EYS: variants seen among roughly 807,000 people sequenced by gnomAD.
The protein encoded by EYS is protein eyes shut homolog.
EYS carries 250 observed loss-of-function variants against 282.1 expected under a neutral mutation model. The observed-to-expected ratio is 0.89, with a 90% CI of 0.80 to 0.98. The LOEUF (loss-of-function observed/expected upper bound fraction) is 0.98, where lower values mean the gene tolerates loss of function less well. EYS is among the 50% of genes least tolerant of loss of function. The probability of loss-of-function intolerance (pLI) is 0.00; values close to 1 mark genes in which losing one functional copy is unlikely to be tolerated. For missense variants in EYS, 4,016 were observed against 3,709.0 expected, an observed-to-expected ratio of 1.08 and a Z score of -2.15; for synonymous variants, 1,355 against 1,282.9, an observed-to-expected ratio of 1.06 and a Z score of -1.20.
intron 12 of EYS, among the ~76,000 whole-genome samples, chr6:65,227,255 T>C (rs906683640): frequency 1.3e-4 from 19 of 152,000 alleles, no homozygotes; most frequent in African/African-American, 4.6e-4. Flanking sequence ...CCACAATATA[T>C]GACATGTCCA....
At chr6:64,363,814 GAAC>G (rs1286736738) in intron 29 of EYS, among the ~76,000 whole-genome samples, 15 of 151,706 alleles carry the variant, frequency 9.9e-5, no homozygotes, top group South Asian at 2.1e-4. Context: ...AAATAAATGC[GAAC>G]AACATCAAAA....
At chr6:64,671,450 T>C (rs909712160) in intron 22 of EYS, among the ~76,000 whole-genome samples, 3 of 152,174 alleles carry the variant, frequency 2.0e-5, no homozygotes, top group African/African-American at 7.2e-5. Context: ...CTTCCCAGAC[T>C]CCAGAACTGT....
At chr6:65,396,292 A>G (rs1210636489) in intron 7 of EYS, among the ~76,000 whole-genome samples, 1 of 152,080 alleles carries the variant, frequency 6.6e-6, no homozygotes, top group Non-Finnish European at 1.5e-5. Flanking sequence ...CATCTTCTCA[A>G]TGTTAACTTA....
At chr6:64,037,249 T>C (rs899070608) in intron 33 of EYS, among the ~76,000 whole-genome samples, 3 of 152,190 alleles carry the variant, frequency 2.0e-5, no homozygotes, top group Non-Finnish European at 4.4e-5. Context: ...TCCTATTAAC[T>C]TTTTCATTAG....
At chr6:65,336,890 A>C (rs1352923197) in intron 10 of EYS, among the ~76,000 whole-genome samples, 3 of 151,554 alleles carry the variant, frequency 2.0e-5, no homozygotes, top group Non-Finnish European at 1.5e-5. Flanking sequence ...GCTTAAACAC[A>C]GGTATATATT....
intron 2 of EYS, among the ~76,000 whole-genome samples, chr6:65,633,745 G>C (rs1337808438): frequency 6.6e-6 from 1 of 152,192 alleles, no homozygotes; most frequent in African/African-American, 2.4e-5. Context: ...TTATAGAGCA[G>C]AGGTCAGCAA....
chr6:64,119,692 G>A (rs72876839), intron 31 of EYS, among the ~76,000 whole-genome samples: 2 of 152,182 alleles, frequency 1.3e-5, no homozygotes, highest in Non-Finnish European at 2.9e-5. Context: ...TATAGACAGA[G>A]ATTTTAATTC....
At chr6:64,548,537 A>G (rs1159344166) in intron 26 of EYS, among the ~76,000 whole-genome samples, 2 of 152,146 alleles carry the variant, frequency 1.3e-5, no homozygotes, top group Admixed American at 1.3e-4. Flanking sequence ...GGGGACATGG[A>G]TGAAGCAGGA....
chr6:65,457,551 T>C (rs909971527), intron 5 of EYS, among the ~76,000 whole-genome samples: 2 of 152,192 alleles, frequency 1.3e-5, no homozygotes, highest in Non-Finnish European at 2.9e-5. Flanking sequence ...TTGATGGTTG[T>C]CTTGGAATAT....
intron 31 of EYS, among the ~76,000 whole-genome samples, chr6:64,176,292 T>TTA (rs1764631952): frequency 6.6e-6 from 1 of 151,982 alleles, no homozygotes; most frequent in South Asian, 2.1e-4. Flanking sequence ...ATTATACAAA[T>TTA]TATATATATT....
chr6:64,262,761 C>T (rs1767631123), intron 30 of EYS, among the ~76,000 whole-genome samples: 1 of 151,820 alleles, frequency 6.6e-6, no homozygotes, highest in African/African-American at 2.4e-5. Context: ...TTCTTACAGC[C>T]ATCTAAAACT....
At chr6:64,092,966 A>G (rs1399386933) in intron 31 of EYS, among the ~76,000 whole-genome samples, 1 of 150,828 alleles carries the variant, frequency 6.6e-6, no homozygotes, top group Non-Finnish European at 1.5e-5. Flanking sequence ...TCAGCTTTCT[A>G]CATATGGCTA....
chr6:64,505,857 T>A (rs1182605210), intron 26 of EYS, among the ~76,000 whole-genome samples: 1 of 152,160 alleles, frequency 6.6e-6, no homozygotes, highest in East Asian at 1.9e-4. Context: ...TTTGGTACAA[T>A]AGAAATAATA....
chr6:64,769,661 G>A (rs182773957), intron 22 of EYS, among the ~76,000 whole-genome samples: 1 of 152,062 alleles, frequency 6.6e-6, no homozygotes, highest in Admixed American at 6.6e-5. Context: ...GGCAGGATAT[G>A]ATTGGATCAC....
intron 12 of EYS, among the ~76,000 whole-genome samples, chr6:65,269,858 AG>A (rs1341076532): frequency 6.6e-6 from 1 of 152,104 alleles, no homozygotes; most frequent in Non-Finnish European, 1.5e-5. Context: ...ATTACCTCCC[AG>A]AGACCCTACC....
At chr6:64,213,370 A>G (rs1395365981) in intron 31 of EYS, among the ~76,000 whole-genome samples, 3 of 152,192 alleles carry the variant, frequency 2.0e-5, no homozygotes, top group Non-Finnish European at 4.4e-5. Context: ...TTAGTGATAG[A>G]TGAAAATGTA....
intron 35 of EYS, among the ~76,000 whole-genome samples, chr6:63,942,854 T>A (rs932957574): frequency 1.3e-5 from 2 of 152,162 alleles, no homozygotes; most frequent in African/African-American, 4.8e-5. Flanking sequence ...CTTCTTCCTC[T>A]TCCTCCTCCT....
intron 7 of EYS, among the ~76,000 whole-genome samples, chr6:65,393,277 C>T (rs1766130234): frequency 6.6e-6 from 1 of 152,084 alleles, no homozygotes; most frequent in Non-Finnish European, 1.5e-5. Context: ...ACATACGTAA[C>T]TAACCTGTAC....
chr6:63,956,403 C>T (rs531978199), intron 35 of EYS, among the ~76,000 whole-genome samples: 7 of 152,226 alleles, frequency 4.6e-5, no homozygotes, highest in African/African-American at 1.7e-4. Context: ...AACGGCCCAC[C>T]TCTATCTCCC....
Sources: gnomAD v4.1 joint callset for allele counts (sites outside exome capture counted in the v4.1 genomes callset) on GRCh38, gnomAD v4.1.1 for gene constraint, MANE v1.5 for transcripts, NCBI Gene and HGNC (gene_info 2026-07-23, HGNC 2026-07-21) for gene names.